Variants in DCBLD1 observed in about 807,000 individuals in gnomAD.
The protein encoded by DCBLD1 is discoidin, CUB and LCCL domain containing 1, also known as discoidin, CUB and LCCL domain-containing protein 1.
In DCBLD1, 57 loss-of-function variants were observed where a neutral mutation model predicts 71.5. The observed-to-expected ratio is 0.80, with a 90% CI of 0.64 to 0.99. DCBLD1 has a LOEUF of 0.99. DCBLD1 is among the 50% of genes least tolerant of loss of function. The probability of loss-of-function intolerance (pLI) is 0.00; values close to 1 mark genes in which losing one functional copy is unlikely to be tolerated. For synonymous variants in DCBLD1, 380 were observed against 363.8 expected (o/e 1.04, Z -0.51); for missense variants, 891 against 923.5 (o/e 0.96, Z 0.46).
rs879146669 is a variant in DCBLD1, at chr6:117,548,709, G to T, written c.*270G>T. 1 of 1,379,566 alleles carries T rather than the reference G, an allele frequency of 7.2e-7. No individual in the cohort carries two copies. Among genetic ancestry groups the T allele is most frequent in the South Asian group, 1.6e-5 (1 of 63,160 alleles). 85.5% of individuals were successfully genotyped at this position (1,379,566 alleles called of 1,614,324 possible). ...TTTCAGATGGCGTTTTCATTCCTCT[G>T]ACTGATATTGAGCTGCTTTGGTGTT... On this transcript the variant is annotated 3_prime_UTR_variant, in exon 15 of 15. Transcript: ENST00000338728.
At chr6:117,491,456 A>T (rs531650849) in intron 1 of DCBLD1, among the ~76,000 whole-genome samples, 1 of 152,216 alleles carries the variant, frequency 6.6e-6, no homozygotes, top group Non-Finnish European at 1.5e-5. Context: ...AGAAGGGTCT[A>T]CAAGTCTTTT....
rs369584771 is a variant in DCBLD1, at chr6:117,538,689, A to T, written c.830A>T (p.Asn277Ile). 1.2e-6 allele frequency: 2 copies of T among 1,614,164 alleles called. No homozygotes were observed. Among genetic ancestry groups the T allele is most frequent in the South Asian group, 1.1e-5 (1 of 91,078 alleles). Residue 277 changes from asparagine to isoleucine, a missense_variant, in exon 8 of 15, where the codon AAT becomes ATT. Asn to Ile is a moderately radical substitution (Grantham distance 149). Transcript: ENST00000338728. ...IRASSSWQSVNESGDQVHWSP... is the reference protein window; with the variant it reads ...IRASSSWQSVIESGDQVHWSP... The stretch of plus-strand genomic sequence containing the variant: ...GCTTCTTCCTCATGGCAGTCGGTCA[A>T]TGAGAGTGGAGACCAAGTTCACTGG...
chr6:117,519,567 G>A (rs1778315655), intron 2 of DCBLD1, among the ~76,000 whole-genome samples: 1 of 152,092 alleles, frequency 6.6e-6, no homozygotes, highest in South Asian at 2.1e-4. Flanking sequence ...CCTATCTCTT[G>A]GGTTGCTCAC....
intron 1 of DCBLD1, among the ~76,000 whole-genome samples, chr6:117,496,058 CT>C (rs1440238177): frequency 6.6e-6 from 1 of 151,964 alleles, no homozygotes; most frequent in African/African-American, 2.4e-5. Flanking sequence ...TGACATATTC[CT>C]TGTGTTTCCT....
Position 117,548,008 on chromosome 6 carries a change from G to A in DCBLD1, c.1717G>A (p.Asp573Asn), listed in dbSNP as rs1199415780. The stretch of plus-strand genomic sequence containing the variant: ...TGCCGAGGAGGCAGGGGTGAGCACC[G>A]ATGCCGGCGGCCACTATGACTGCCC... ...TDAEEAGVST[D>N]AGGHYDCPQR... Residue 573 changes from aspartate to asparagine, a missense_variant, in exon 15 of 15, where the codon GAT becomes AAT. Physicochemically the swap from Asp to Asn is conservative, Grantham distance 23. Coordinates refer to ENST00000338728, the MANE Select transcript of DCBLD1 (RefSeq NM_001366458.2). 22 of 1,550,344 alleles carry A rather than the reference G, an allele frequency of 1.4e-5. No homozygotes were observed. Among genetic ancestry groups the A allele is most frequent in the Non-Finnish European group, 1.7e-5 (19 of 1,146,900 alleles).
chr6:117,493,235 T>A (rs1177518680), intron 1 of DCBLD1, among the ~76,000 whole-genome samples: 8 of 152,236 alleles, frequency 5.3e-5, no homozygotes, highest in Admixed American at 5.2e-4. Context: ...GAACAGTCAC[T>A]AATAAGAGCT....
intron 1 of DCBLD1, among the ~76,000 whole-genome samples, chr6:117,499,446 A>G (rs1582973250): frequency 1.3e-5 from 2 of 152,102 alleles, no homozygotes; most frequent in East Asian, 3.9e-4. Flanking sequence ...CATACAGGAT[A>G]ACAAAATGCA....
At chr6:117,554,481 CCAGT>C (rs1024745126), downstream of DCBLD1, among the ~76,000 whole-genome samples, 2 of 152,158 alleles carry the variant, frequency 1.3e-5, no homozygotes, top group South Asian at 2.1e-4. Flanking sequence ...CTCCCTAGAG[CCAGT>C]CAGATGATTA....
rs1255848371 is a variant in DCBLD1 at position 117,566,959 on chromosome 6, C to T, written c.1616-2661C>T. ...AAACGGTAACGATGTCCACTCTCAT[C>T]TTCATACTCTACGTTTTCATCATCA... On this transcript the variant is annotated intron_variant, in intron 14 of 14. Transcript: ENST00000296955. 6.2e-7 allele frequency: 1 copy of T among 1,611,034 alleles called. No homozygotes were observed. The highest frequency in any genetic ancestry group is 1.7e-5 in the Admixed American group (1 of 59,342).
intron 1 of DCBLD1, among the ~76,000 whole-genome samples, chr6:117,497,951 T>A (rs1777523918): frequency 6.6e-6 from 1 of 152,220 alleles, no homozygotes; most frequent in African/African-American, 2.4e-5. Context: ...ACTTTAAATA[T>A]TACACATCTA....
At chr6:117,541,159 A>C (rs1427727310) in intron 11 of DCBLD1, 134 bp downstream of exon 11, 2 of 695,864 alleles carry the variant, frequency 2.9e-6, no homozygotes, top group East Asian at 5.4e-5. Context: ...ATTGGCACAT[A>C]TGTAAAATGA....
intron 2 of DCBLD1, among the ~76,000 whole-genome samples, chr6:117,518,091 C>T (rs1401913172): frequency 6.6e-6 from 1 of 152,164 alleles, no homozygotes; most frequent in Non-Finnish European, 1.5e-5. Flanking sequence ...CCTTATAAAA[C>T]TGAATGCCTT....
chr6:117,497,520 A>T (rs1267456963), intron 1 of DCBLD1, among the ~76,000 whole-genome samples: 1 of 152,230 alleles, frequency 6.6e-6, no homozygotes, highest in East Asian at 1.9e-4. Flanking sequence ...TTGTATATCG[A>T]CAACTCTTGA....
At chr6:117,563,343 C>A (rs1257626818) in intron 14 of DCBLD1, 2 of 1,613,438 alleles carry the variant, frequency 1.2e-6, no homozygotes, top group East Asian at 4.5e-5. Context: ...GTGCCCAGGT[C>A]TCCATTTTCA....
At chr6:117,537,500 C>T (rs562545727) in intron 7 of DCBLD1, among the ~76,000 whole-genome samples, 3 of 149,674 alleles carry the variant, frequency 2.0e-5, no homozygotes, top group Non-Finnish European at 4.4e-5. Flanking sequence ...CGCCACTGCA[C>T]TCCAGCCTGG....
intron 14 of DCBLD1, chr6:117,562,326 G>A (rs1450033696): frequency 5.0e-6 from 1 of 201,482 alleles, no homozygotes; most frequent in Non-Finnish European, 1.0e-5. Flanking sequence ...TGAATGTACT[G>A]TGTTTCATGA....
chr6:117,511,035 G>A (rs373397474), intron 2 of DCBLD1, among the ~76,000 whole-genome samples: 8 of 152,126 alleles, frequency 5.3e-5, no homozygotes, highest in Non-Finnish European at 4.4e-5. Context: ...AGATCACTTA[G>A]CGGGACCTGG....
At chr6:117,542,688 A>G (rs1313886076) in intron 11 of DCBLD1, among the ~76,000 whole-genome samples, 1 of 152,100 alleles carries the variant, frequency 6.6e-6, no homozygotes, top group Non-Finnish European at 1.5e-5. Flanking sequence ...TTGTTATGGT[A>G]CAGGTCCAAA....
chr6:117,492,407 AT>A (rs1773769834), intron 1 of DCBLD1, among the ~76,000 whole-genome samples: 1 of 152,202 alleles, frequency 6.6e-6, no homozygotes, highest in South Asian at 2.1e-4. Context: ...GTATCTTACA[AT>A]TCTAAATGCC....
Sources: gnomAD v4.1 joint callset for allele counts (sites outside exome capture counted in the v4.1 genomes callset) on GRCh38, gnomAD v4.1.1 for gene constraint, MANE v1.5 for transcripts, NCBI Gene and HGNC (gene_info 2026-07-23, HGNC 2026-07-21) for gene names.